Variants in PTK2 observed in about 807,000 individuals in gnomAD.
The protein encoded by PTK2 is focal adhesion kinase 1.
Under a neutral mutation model 150.1 loss-of-function variants are expected in PTK2, and 45 were observed. That is an observed-to-expected ratio of 0.30 (90% confidence interval 0.24 to 0.38). The LOEUF is 0.38. PTK2 is among the 10% of genes least tolerant of loss of function. PTK2 has a pLI of 1.00. For synonymous variants in PTK2, 432 were observed against 449.2 expected, an observed-to-expected ratio of 0.96 and a Z score of 0.48; for missense variants, 919 against 1,307.3, an observed-to-expected ratio of 0.70 and a Z score of 4.58.
intron 1 of PTK2, among the ~76,000 whole-genome samples, chr8:140,938,069 C>T (rs536206804): frequency 3.3e-5 from 5 of 152,334 alleles, no homozygotes; most frequent in African/African-American, 1.2e-4. Context: ...ACCTCCTCTT[C>T]ACATCTAACA....
At chr8:140,829,505 G>C (rs1203676834) in intron 8 of PTK2, among the ~76,000 whole-genome samples, 1 of 152,052 alleles carries the variant, frequency 6.6e-6, no homozygotes, top group African/African-American at 2.4e-5. Flanking sequence ...TATTAATCTC[G>C]TGTTAGAAAT....
chr8:140,841,403 GAGCATA>G (rs940285463), intron 7 of PTK2, among the ~76,000 whole-genome samples: 1 of 152,050 alleles, frequency 6.6e-6, no homozygotes, highest in Non-Finnish European at 1.5e-5. Flanking sequence ...CACGCTATCT[GAGCATA>G]ATGTCATTAA....
intron 10 of PTK2, among the ~76,000 whole-genome samples, chr8:140,808,733 G>GTTTT (rs57600032): frequency 6.2e-4 from 72 of 116,568 alleles, no homozygotes; most frequent in African/African-American, 2.4e-3. Flanking sequence ...TTTTGTTCTT[G>GTTTT]TTTTTTTTTT....
chr8:140,809,742 G>A (rs1244320223), intron 10 of PTK2, among the ~76,000 whole-genome samples: 4 of 152,194 alleles, frequency 2.6e-5, no homozygotes, highest in Admixed American at 2.6e-4. Context: ...GATGGCAGAG[G>A]TTGCAGTAAG....
At chr8:140,730,421 T>C (rs539629364) in intron 22 of PTK2, among the ~76,000 whole-genome samples, 51 of 152,294 alleles carry the variant, frequency 3.3e-4, no homozygotes, top group African/African-American at 1.1e-3. Flanking sequence ...ATATATAAAG[T>C]AAGTACTGAC....
chr8:140,950,088 CTGT>C (rs1555444252), intron 1 of PTK2, among the ~76,000 whole-genome samples: 3 of 152,326 alleles, frequency 2.0e-5, no homozygotes, highest in Non-Finnish European at 1.5e-5. Context: ...CTCCTGAGAG[CTGT>C]TCTGCTGCTC....
chr8:140,740,015 A>C (rs1485094423), intron 20 of PTK2, among the ~76,000 whole-genome samples: 1 of 152,254 alleles, frequency 6.6e-6, no homozygotes, highest in Non-Finnish European at 1.5e-5. Context: ...ATAATCAGGC[A>C]TGTGAAGAGC....
chr8:140,685,326 AG>A (rs2100019212), intron 27 of PTK2, among the ~76,000 whole-genome samples: 1 of 152,234 alleles, frequency 6.6e-6, no homozygotes, highest in Non-Finnish European at 1.5e-5. Flanking sequence ...TTCTGGACAT[AG>A]GCCCTTGCAA....
intron 20 of PTK2, among the ~76,000 whole-genome samples, chr8:140,741,122 C>A (rs567321135): frequency 2.0e-5 from 3 of 151,168 alleles, no homozygotes; most frequent in East Asian, 1.9e-4. Flanking sequence ...CCAGCCTGGA[C>A]GACAGAACGA....
exon 32 of PTK2, chr8:140,659,576 T>C: frequency 6.2e-7 from 1 of 1,614,148 alleles, no homozygotes. Context: ...ATTTGCTTTT[T>C]GTACTCTTGC....
chr8:140,761,111 T>C, intron 16 of PTK2, 54 bp downstream of exon 19: 1 of 1,235,948 alleles, frequency 8.1e-7, no homozygotes, highest in East Asian at 2.3e-5. Flanking sequence ...AAAAGCAATT[T>C]AAACTTAAAT....
chr8:140,935,742 C>A (rs549081460), intron 1 of PTK2, among the ~76,000 whole-genome samples: 1 of 129,242 alleles, frequency 7.7e-6, no homozygotes, highest in African/African-American at 2.9e-5. Flanking sequence ...CTCTTTGCCT[C>A]GGCTCACTGC....
At chr8:140,903,891 T>TA (rs2100159784) in intron 2 of PTK2, among the ~76,000 whole-genome samples, 1 of 152,214 alleles carries the variant, frequency 6.6e-6, no homozygotes, top group Non-Finnish European at 1.5e-5. Context: ...TAAGGAGATT[T>TA]TGGGCTAAGA....
intron 2 of PTK2, among the ~76,000 whole-genome samples, chr8:140,905,724 T>G (rs549261304): frequency 1.6e-4 from 24 of 152,310 alleles, no homozygotes; most frequent in Non-Finnish European, 2.9e-5. Flanking sequence ...GAATATACAT[T>G]CTTCTCAGCA....
chr8:140,712,845 T>C (rs1220327051), intron 23 of PTK2, among the ~76,000 whole-genome samples: 5 of 152,246 alleles, frequency 3.3e-5, no homozygotes, highest in Non-Finnish European at 7.3e-5. Flanking sequence ...TCGAATTTTA[T>C]ACCGGTAACA....
rs776419672 is a variant in PTK2 at position 140,688,015 on chromosome 8, G to C, written c.2500-1321C>G. ...GGCTAATCACTAAAAGGGGGCTCTG[G>C]CTGATTGTTGTTAACAGTCCTCAGG... On this transcript the variant is annotated intron_variant, in intron 26 of 31. Transcript: ENST00000522684. Among the ~76,000 whole-genome samples, 268 of 152,286 alleles carry C rather than the reference G, an allele frequency of 1.8e-3. 1 individual carries two copies. The highest frequency in any genetic ancestry group is 2.6e-3 in the Non-Finnish European group (175 of 68,010).
intron 14 of PTK2, among the ~76,000 whole-genome samples, chr8:140,784,024 G>C (rs1242335467): frequency 6.6e-6 from 1 of 152,120 alleles, no homozygotes; most frequent in Non-Finnish European, 1.5e-5. Flanking sequence ...CTAGCTAGGC[G>C]TGGTGGTGCA....
chr8:140,686,501 A>C, intron 27 of PTK2, 131 bp downstream of exon 30: 2 of 815,362 alleles, frequency 2.5e-6, no homozygotes, highest in Non-Finnish European at 4.0e-6. Context: ...ATAATCTTAA[A>C]ATGTTAACTT....
intron 4 of PTK2, among the ~76,000 whole-genome samples, chr8:140,867,858 T>C (rs1224611724): frequency 1.3e-5 from 2 of 152,190 alleles, no homozygotes; most frequent in African/African-American, 2.4e-5. Context: ...CCTGACACCA[T>C]GTTCTCGTGC....
Sources: allele counts gnomAD v4.1 joint callset (sites outside exome capture counted in the v4.1 genomes callset), GRCh38; gene constraint gnomAD v4.1.1; transcripts MANE v1.5; gene names NCBI Gene and HGNC (gene_info 2026-07-23, HGNC 2026-07-21).